The following GSTCD variants were observed in gnomAD, a reference collection of about 807,000 sequenced individuals.
GSTCD encodes the protein glutathione S-transferase C-terminal domain containing.
In GSTCD, 44 loss-of-function variants were observed where a neutral mutation model predicts 68.3. That is an observed-to-expected ratio of 0.64 (90% CI 0.51 to 0.83). The LOEUF (loss-of-function observed/expected upper bound fraction) is 0.83, where lower values mean the gene tolerates loss of function less well. GSTCD is among the 40% of genes least tolerant of loss of function. The pLI, the probability that GSTCD is intolerant of heterozygous loss-of-function variation, is 0.00. For missense variants in GSTCD, 739 were observed against 735.9 expected (o/e 1.00, Z -0.05); for synonymous variants, 273 against 255.2 (o/e 1.07, Z -0.67).
At chr4:105,836,503 C>A (rs1724126360) in intron 9 of GSTCD, among the ~76,000 whole-genome samples, 1 of 152,184 alleles carries the variant, frequency 6.6e-6, no homozygotes, top group East Asian at 1.9e-4. Flanking sequence ...AACCTGCCAT[C>A]CATGGTGCCC....
At chr4:105,732,663 T>G (rs1733293006) in intron 5 of GSTCD, among the ~76,000 whole-genome samples, 1 of 152,194 alleles carries the variant, frequency 6.6e-6, no homozygotes, top group East Asian at 1.9e-4. Context: ...ATTGATTTTT[T>G]GAAGGGTTTT....
At chr4:105,791,360 T>C (rs1165128630) in intron 5 of GSTCD, among the ~76,000 whole-genome samples, 1 of 138,508 alleles carries the variant, frequency 7.2e-6, no homozygotes, top group African/African-American at 2.8e-5. Context: ...GCCACTGCAC[T>C]CCAGCCTGGG....
intron 5 of GSTCD, chr4:105,807,326 C>T (rs1261100171): frequency 6.6e-6 from 1 of 152,052 alleles, no homozygotes. Context: ...AGCCAATTAT[C>T]ACCTACAGGA....
chr4:105,790,149 T>G (rs1382515653), intron 5 of GSTCD, among the ~76,000 whole-genome samples: 1 of 152,062 alleles, frequency 6.6e-6, no homozygotes, highest in East Asian at 1.9e-4. Context: ...ACTAGGAATG[T>G]TGACAGCAAA....
chr4:105,714,402 C>T (rs1442045603), intron 1 of GSTCD, among the ~76,000 whole-genome samples: 1 of 151,762 alleles, frequency 6.6e-6, no homozygotes, highest in African/African-American at 2.4e-5. Context: ...CTTCTTAAAG[C>T]TCGTGACAGA....
chr4:105,826,252 G>GA (rs1723599839), intron 8 of GSTCD: 3 of 151,966 alleles, frequency 2.0e-5, no homozygotes, highest in Non-Finnish European at 4.4e-5. Context: ...TGTATTTTCA[G>GA]GTTCCAAGAG....
At chr4:105,825,056 T>C (rs1477115841) in intron 7 of GSTCD, among the ~76,000 whole-genome samples, 1 of 152,116 alleles carries the variant, frequency 6.6e-6, no homozygotes, top group Non-Finnish European at 1.5e-5. Flanking sequence ...TTATTATTAT[T>C]TTTGATGTTT....
chr4:105,796,796 G>A (rs1735905085), intron 5 of GSTCD, among the ~76,000 whole-genome samples: 1 of 152,160 alleles, frequency 6.6e-6, no homozygotes, highest in Non-Finnish European at 1.5e-5. Flanking sequence ...AAAAGCTACA[G>A]ATTTATACAT....
intron 11 of GSTCD, among the ~76,000 whole-genome samples, chr4:105,843,896 AGTGGTG>A (rs1724450887): frequency 2.7e-5 from 1 of 36,860 alleles, no homozygotes; most frequent in Non-Finnish European, 4.9e-5. Context: ...AAGTTGCTAG[AGTGGTG>A]GGGGTGGGGG....
intron 5 of GSTCD, among the ~76,000 whole-genome samples, chr4:105,819,688 C>T (rs974541444): frequency 2.6e-5 from 4 of 151,670 alleles, no homozygotes; most frequent in South Asian, 2.1e-4. Flanking sequence ...TTGTGGTTGT[C>T]GTCTTCCCTC....
At chr4:105,836,632 C>T (rs746406696) in intron 9 of GSTCD, among the ~76,000 whole-genome samples, 5 of 151,510 alleles carry the variant, frequency 3.3e-5, no homozygotes, top group Admixed American at 1.3e-4. Context: ...GGGGCTGAGG[C>T]GGGGGTGGGG....
chr4:105,767,791 T>C (rs528453090), intron 5 of GSTCD, among the ~76,000 whole-genome samples: 2 of 152,296 alleles, frequency 1.3e-5, no homozygotes, highest in Admixed American at 1.3e-4. Flanking sequence ...GCCTGACTGG[T>C]TCCCTTACAA....
At chr4:105,805,153 T>G (rs1016514043) in intron 5 of GSTCD, among the ~76,000 whole-genome samples, 1 of 152,108 alleles carries the variant, frequency 6.6e-6, no homozygotes, top group Admixed American at 6.6e-5. Flanking sequence ...AAGAAAAAAC[T>G]AATCTGAAAC....
At chr4:105,816,282 C>T (rs1378293817) in intron 5 of GSTCD, among the ~76,000 whole-genome samples, 2 of 152,028 alleles carry the variant, frequency 1.3e-5, no homozygotes, top group African/African-American at 4.8e-5. Context: ...AAAGATCTTC[C>T]CAATCTATTT....
rs1311228540 is a variant in GSTCD at position 105,793,120 on chromosome 4, G to C, written c.1241-29834G>C. Among the ~76,000 whole-genome samples the C allele has an allele frequency of 2.0e-5, 3 of 151,986 alleles. No individual in the cohort carries two copies. In the East Asian group the frequency reaches 5.8e-4, roughly 29 times the overall value. ...ATACTAACTGAATTGCATTACATTT[G>C]ACCATATGCTAGCCTTTATAAGTGT... On this transcript the variant is annotated intron_variant, in intron 5 of 11. Transcript: ENST00000515279.
At chr4:105,825,638 C>T in intron 7 of GSTCD, 34 bp from the exon 8 acceptor site, 1 of 1,222,186 alleles carries the variant, frequency 8.2e-7, no homozygotes, top group Non-Finnish European at 1.2e-6. Flanking sequence ...AATTATGTTA[C>T]TAAATATACT....
chr4:105,725,033 A>G (rs544355183), intron 3 of GSTCD, among the ~76,000 whole-genome samples: 1 of 152,034 alleles, frequency 6.6e-6, no homozygotes, highest in Non-Finnish European at 1.5e-5. Context: ...GAGTTCTTAG[A>G]GAGGGGTAAA....
chr4:105,755,919 A>C (rs758210206), intron 5 of GSTCD, among the ~76,000 whole-genome samples: 3 of 152,128 alleles, frequency 2.0e-5, no homozygotes, highest in Non-Finnish European at 4.4e-5. Flanking sequence ...GTCATCTCTC[A>C]TGGTGTATCA....
At chr4:105,773,745 T>C (rs2149244991) in intron 5 of GSTCD, among the ~76,000 whole-genome samples, 1 of 152,362 alleles carries the variant, frequency 6.6e-6, no homozygotes, top group East Asian at 1.9e-4. Context: ...TCTGTTCTTT[T>C]GCATTTGCTG....
Sources: gnomAD v4.1 joint callset for allele counts (sites outside exome capture counted in the v4.1 genomes callset) on GRCh38, gnomAD v4.1.1 for gene constraint, MANE v1.5 for transcripts, NCBI Gene and HGNC (gene_info 2026-07-23, HGNC 2026-07-21) for gene names.